The following KLRG1 variants were observed in gnomAD, a reference collection of about 807,000 sequenced individuals.
KLRG1 encodes killer cell lectin-like receptor subfamily G member 1.
Under a neutral mutation model 21.8 loss-of-function variants are expected in KLRG1, and 16 were observed. That is an observed-to-expected ratio of 0.73 (90% confidence interval 0.50 to 1.11). KLRG1 has a LOEUF of 1.11. Among genes scored for constraint, KLRG1 ranks in the 50% most tolerant of loss-of-function variants. The probability of loss-of-function intolerance (pLI) is 0.00; values close to 1 mark genes in which losing one functional copy is unlikely to be tolerated. For synonymous variants in KLRG1, 69 were observed against 75.9 expected (o/e 0.91, Z 0.47); for missense variants, 173 against 218.3 (o/e 0.79, Z 1.31).
At chr12:9,098,686 G>A in the KLRG1 span, 7 of 1,612,142 alleles carry the variant, frequency 4.3e-6, no homozygotes, top group Non-Finnish European at 5.9e-6. Flanking sequence ...GACGGACTGA[G>A]GAGCCGCTGT....
At chr12:9,175,661 A>C in the KLRG1 span, among the ~76,000 whole-genome samples, 52 of 152,256 alleles carry the variant, frequency 3.4e-4, no homozygotes, top group South Asian at 1.0e-2. Flanking sequence ...TGAACAGACA[A>C]TTCTCAAAAG....
chr12:9,030,258 A>G, the KLRG1 span, among the ~76,000 whole-genome samples: 2 of 152,266 alleles, frequency 1.3e-5, no homozygotes, highest in South Asian at 2.1e-4. Context: ...ACGTGCCTCA[A>G]AGAAGCTATT....
rs1185187263 is a variant in KLRG1, at chr12:9,010,011, G to A, written c.*474G>A. Reference sequence around the variant, plus strand: ...TCTATCCTAACAGTGTCCCTTTGCAGATCAAGCTTTATTCTGAAGAATAAA... The same window carrying A: ...TCTATCCTAACAGTGTCCCTTTGCAAATCAAGCTTTATTCTGAAGAATAAA... On this transcript the variant is annotated 3_prime_UTR_variant, in exon 5 of 5. Transcript: ENST00000356986. 39 of 1,534,412 alleles carry A rather than the reference G, an allele frequency of 2.5e-5. No homozygotes were observed. The East Asian group carries it at 9.0e-4, about 36-fold the overall frequency.
chr12:9,045,161 A>G, the KLRG1 span, among the ~76,000 whole-genome samples: 1 of 152,178 alleles, frequency 6.6e-6, no homozygotes, highest in Non-Finnish European at 1.5e-5. Context: ...AATACTGAAA[A>G]TCAACAACTT....
At chr12:9,052,084 T>C in the KLRG1 span, among the ~76,000 whole-genome samples, 3 of 152,312 alleles carry the variant, frequency 2.0e-5, no homozygotes, top group African/African-American at 7.2e-5. Flanking sequence ...TCATGTGCCT[T>C]ATATAAGAGC....
At chr12:9,011,257 A>G (rs1490707043), downstream of KLRG1, among the ~76,000 whole-genome samples, 1 of 152,086 alleles carries the variant, frequency 6.6e-6, no homozygotes, top group Non-Finnish European at 1.5e-5. Flanking sequence ...TGTCTCCCTT[A>G]AGGTTGTTAC....
At chr12:9,213,820 A>C in the KLRG1 span, among the ~76,000 whole-genome samples, 1 of 152,030 alleles carries the variant, frequency 6.6e-6, no homozygotes, top group African/African-American at 2.4e-5. Context: ...GACACATAGA[A>C]GTTTTTAGTT....
downstream of KLRG1, among the ~76,000 whole-genome samples, chr12:9,015,600 A>G (rs150666920): frequency 7.8e-3 from 1,189 of 152,344 alleles, 10 homozygotes; most frequent in Non-Finnish European, 0.012. Flanking sequence ...TAGACATATC[A>G]TCCAGACAGA....
At chr12:9,070,509 G>A in the KLRG1 span, 3 of 1,613,376 alleles carry the variant, frequency 1.9e-6, no homozygotes, top group Non-Finnish European at 2.5e-6. Context: ...TTGGCTTCAG[G>A]GGAATGAAGC....
At chr12:9,172,427 C>T in the KLRG1 span, among the ~76,000 whole-genome samples, 1 of 152,082 alleles carries the variant, frequency 6.6e-6, no homozygotes, top group Non-Finnish European at 1.5e-5. Flanking sequence ...GAAGCAATCA[C>T]ATAAACAAGT....
the KLRG1 span, chr12:9,202,485 T>C: frequency 6.2e-7 from 1 of 1,613,110 alleles, no homozygotes. Flanking sequence ...CAGGTGGCCC[T>C]TCTCAGTGTT....
chr12:8,991,890 T>C (rs1039698822), intron 1 of KLRG1, among the ~76,000 whole-genome samples: 5 of 152,184 alleles, frequency 3.3e-5, no homozygotes, highest in African/African-American at 1.2e-4. Flanking sequence ...TTTTGGTAGA[T>C]ATTGCCCAAT....
At chr12:9,035,386 G>A in the KLRG1 span, among the ~76,000 whole-genome samples, 1 of 151,904 alleles carries the variant, frequency 6.6e-6, no homozygotes, top group Non-Finnish European at 1.5e-5. Context: ...TCATAAGTGG[G>A]AGTCGAACAA....
chr12:9,017,401 A>T, the KLRG1 span, among the ~76,000 whole-genome samples: 1 of 152,178 alleles, frequency 6.6e-6, no homozygotes, highest in East Asian at 1.9e-4. Context: ...CAACACATTA[A>T]AAAGATCATT....
the KLRG1 span, chr12:9,079,133 C>T: frequency 1.3e-6 from 1 of 791,292 alleles, no homozygotes. Context: ...GTATAACAAA[C>T]CATCGGTCTG....
chr12:9,139,583 T>C, the KLRG1 span, among the ~76,000 whole-genome samples: 1 of 152,230 alleles, frequency 6.6e-6, no homozygotes, highest in Non-Finnish European at 1.5e-5. Flanking sequence ...GTTTTTCCAA[T>C]GTTTGCTTTA....
At chr12:9,090,969 C>T in the KLRG1 span, among the ~76,000 whole-genome samples, 2 of 151,984 alleles carry the variant, frequency 1.3e-5, no homozygotes, top group Non-Finnish European at 2.9e-5. Context: ...CTTTTGTCAC[C>T]CCTGTCAGAA....
chr12:9,101,661 TC>T, the KLRG1 span: 2 of 1,612,806 alleles, frequency 1.2e-6, no homozygotes. Context: ...GGGACTACGA[TC>T]CTTGTAATTG....
chr12:8,964,868 T>G (rs1424748024), intron 1 of KLRG1, among the ~76,000 whole-genome samples: 3 of 151,730 alleles, frequency 2.0e-5, no homozygotes, highest in Non-Finnish European at 4.4e-5. Flanking sequence ...CCCCTGCCTT[T>G]TTTTGTTTTC....
Sources: allele counts gnomAD v4.1 joint callset (sites outside exome capture counted in the v4.1 genomes callset), GRCh38; gene constraint gnomAD v4.1.1; transcripts MANE v1.5; gene names NCBI Gene and HGNC (gene_info 2026-07-23, HGNC 2026-07-21).